RPL12: variants seen among roughly 807,000 people sequenced by gnomAD.
The protein encoded by RPL12 is large ribosomal subunit protein uL11.
A neutral mutation model predicts 24.5 loss-of-function variants in RPL12; 10 were observed. The observed-to-expected ratio is 0.41, with a 90% CI of 0.25 to 0.69. RPL12 has a LOEUF of 0.69. RPL12 is among the 30% of genes least tolerant of loss of function. The pLI is 0.33. For synonymous variants in RPL12, 74 were observed against 76.1 expected (o/e 0.97, Z 0.14); for missense variants, 137 against 205.3 (o/e 0.67, Z 2.03).
chr9:127,449,575 A>G, intron 3 of RPL12, 35 bp downstream of exon 3: 1 of 1,517,752 alleles, frequency 6.6e-7, no homozygotes, highest in East Asian at 2.3e-5. Flanking sequence ...CTGTCCCCCC[A>G]CCCTCCTCTC....
Position 127,450,767 on chromosome 9 carries a change from A to G in RPL12, c.75T>C (p.Thr25=). Residue 25 remains threonine (T), a synonymous_variant, in exon 2 of 7, where the codon ACT becomes ACC. Transcript: ENST00000361436. ...LRCTGGEVGA[T]SALAPKIGPL... is the part of the protein sequence containing the mutation. Reference sequence around the variant, plus strand: ...GGCCGATCTTGGGGGCCAGGGCAGAAGTGGCACCGACTTCACCTCCGGTGC... The same window carrying G: ...GGCCGATCTTGGGGGCCAGGGCAGAGGTGGCACCGACTTCACCTCCGGTGC... 3 of 1,586,966 alleles carry G rather than the reference A, an allele frequency of 1.9e-6. No homozygotes were observed. Among genetic ancestry groups the G allele is most frequent in the Non-Finnish European group, 2.6e-6 (3 of 1,168,080 alleles).
In RPL12 at chr9:127,451,318, G is replaced by A; in HGVS notation, c.-1C>T. 1.2e-6 allele frequency: 2 copies of A among 1,612,642 alleles called. No individual in the cohort carries two copies. The highest frequency in any genetic ancestry group is 1.7e-6 in the Non-Finnish European group (2 of 1,179,982). On this transcript the variant is annotated 5_prime_UTR_variant, in exon 1 of 7. Coordinates refer to ENST00000361436, the MANE Select transcript of RPL12 (RefSeq NM_000976.4). ...CGTTGGGGTCGAACTTCGGCGGCAT[G>A]GTGGAGGCGGCTGGTGTCGGATGAA...
intron 4 of RPL12, 67 bp downstream of exon 4, chr9:127,449,212 AAC>A (rs1834225859): frequency 7.5e-7 from 1 of 1,335,540 alleles, no homozygotes; most frequent in South Asian, 1.2e-5. Context: ...TTTAAGGGAA[AAC>A]ACAGCCACAT....
At chr9:127,448,171 C>A (rs769820774) in intron 5 of RPL12, among the ~76,000 whole-genome samples, 166 bp downstream of exon 5, 8 of 152,190 alleles carry the variant, frequency 5.3e-5, no homozygotes, top group Non-Finnish European at 1.0e-4. Flanking sequence ...TCCATGGGTC[C>A]TTGATGCCCA....
chr9:127,451,307 T>A lies in RPL12; in HGVS notation c.11A>T (p.Lys4Met). Residue 4 changes from lysine (K) to methionine (M), a missense_variant, in exon 1 of 7, where the codon AAG becomes ATG. Physicochemically the swap from Lys to Met is moderately conservative, Grantham distance 95. Coordinates refer to ENST00000361436, the MANE Select transcript of RPL12 (RefSeq NM_000976.4). The stretch of plus-strand genomic sequence containing the variant: ...GACTTTGATCTCGTTGGGGTCGAAC[T>A]TCGGCGGCATGGTGGAGGCGGCTGG... Reference protein sequence around the residue: MPPKFDPNEIKVVY... With the variant: MPPMFDPNEIKVVY... 1 of 1,612,962 alleles carries A rather than the reference T, an allele frequency of 6.2e-7. No individual in the cohort carries two copies. The highest frequency in any genetic ancestry group is 8.5e-7 in the Non-Finnish European group (1 of 1,179,946).
Position 127,448,769 on chromosome 9 carries a change from T to C in RPL12, c.293-346A>G, listed in dbSNP as rs571062942. On this transcript the variant is annotated intron_variant, in intron 4 of 6. Transcript: ENST00000361436. ...GTGGTCTCCTGATTATAGGTCATTA[T>C]TGCTGACATCTTCCTCCCACATGCA... The C allele has an allele frequency of 1.2e-5, 5 of 425,012 alleles. No homozygotes were observed. In the East Asian group the frequency reaches 2.8e-4, roughly 24 times the overall value. 26.3% of individuals were successfully genotyped at this position (425,012 alleles called of 1,614,324 possible).
intron 1 of RPL12, 127 bp downstream of exon 1, chr9:127,451,154 G>A (rs1364736030): frequency 1.6e-6 from 2 of 1,289,422 alleles, no homozygotes; most frequent in Non-Finnish European, 1.1e-6. Flanking sequence ...TGGCCGGGGC[G>A]GCGCAACACC....
chr9:127,448,614 T>G, intron 4 of RPL12, 191 bp from the exon 5 acceptor site: 1 of 756,778 alleles, frequency 1.3e-6, no homozygotes, highest in South Asian at 1.4e-5. Flanking sequence ...AGAGACCTGG[T>G]CAGGTGCAGT....
At chr9:127,451,239 G>A (rs1412714468) in intron 1 of RPL12, 42 bp downstream of exon 1, 4 of 1,608,158 alleles carry the variant, frequency 2.5e-6, no homozygotes, top group South Asian at 2.2e-5. Context: ...AGGGCCGAGG[G>A]ATGCTCCATC....
Position 127,448,381 on chromosome 9 carries a change from A to G in RPL12, c.335T>C (p.Ile112Thr), listed in dbSNP as rs762086285. The change falls in exon 5 of 7, where the codon ATT (isoleucine) becomes ACT (threonine). Residue 112 changes from isoleucine (I) to threonine (T), a missense_variant. By Grantham distance (89) the Ile-to-Thr change is moderately conservative. Coordinates refer to ENST00000361436, the MANE Select transcript of RPL12 (RefSeq NM_000976.4). ...GGATCGGTGCCGCATCTGTCGAGCA[A>G]TGTTGACAATCTCATCAAAAGTGAT... Reference protein sequence around the residue: ...GNITFDEIVNIARQMRHRSLA... With the variant: ...GNITFDEIVNTARQMRHRSLA... 1.9e-5 allele frequency: 31 copies of G among 1,613,948 alleles called. No homozygotes were observed. Among genetic ancestry groups the G allele is most frequent in the Non-Finnish European group, 2.5e-5 (30 of 1,179,904 alleles).
Position 127,451,265 on chromosome 9 carries a change from C to T in RPL12, c.37+16G>A. ...ATGCTCCATCCCGCAGCCCCGGCCA[C>T]AACCAGAGCACGCACCGACTTTGAT... is the stretch of plus-strand genomic sequence containing the variant. On this transcript the variant is annotated intron_variant, in intron 1 of 6. Coordinates refer to ENST00000361436, the MANE Select transcript of RPL12 (RefSeq NM_000976.4). 6.2e-7 allele frequency: 1 copy of T among 1,612,528 alleles called. No individual in the cohort carries two copies. Among genetic ancestry groups the T allele is most frequent in the Non-Finnish European group, 8.5e-7 (1 of 1,179,392 alleles).
chr9:127,447,934 G>A lies in RPL12; in HGVS notation c.435C>T (p.Gly145=), dbSNP rs146643411. 3 of 1,613,538 alleles carry A rather than the reference G, an allele frequency of 1.9e-6. No individual in the cohort carries two copies. The highest frequency in any genetic ancestry group is 2.7e-5 in the African/African-American group (2 of 74,844). The change falls in exon 6 of 7, where the codon GGC becomes GGT. Residue 145 remains glycine (G), a synonymous_variant. Transcript: ENST00000361436. The part of the protein sequence containing the change: ...TAQSVGCNVD[G]RHPHDIIDDI... Reference sequence around the variant, plus strand: ...CATCGATGATGTCATGAGGATGGCGGCCATCAACATTACAGCCCACTGACT... The same window carrying A: ...CATCGATGATGTCATGAGGATGGCGACCATCAACATTACAGCCCACTGACT...
chr9:127,449,427 CA>C (rs1384093877), intron 3 of RPL12, 65 bp from the exon 4 acceptor site: 14 of 1,474,616 alleles, frequency 9.5e-6, no homozygotes, highest in Non-Finnish European at 1.3e-5. Context: ...CGCTGGCTCT[CA>C]AAAATCATGG....
chr9:127,447,850 T>C (rs1834199149), intron 6 of RPL12, 27 bp downstream of exon 6: 1 of 1,610,526 alleles, frequency 6.2e-7, no homozygotes, highest in East Asian at 2.2e-5. Context: ...CTTTCACCCC[T>C]ACTGTAACAA....
intron 1 of RPL12, 87 bp from the exon 2 acceptor site, chr9:127,450,891 C>CCT: frequency 9.9e-7 from 1 of 1,014,704 alleles, no homozygotes; most frequent in South Asian, 1.4e-5. Context: ...GACACGCCAC[C>CCT]CTCTGCCTCT....
chr9:127,448,097 G>A, intron 5 of RPL12, 108 bp from the exon 6 acceptor site: 1 of 1,321,568 alleles, frequency 7.6e-7, no homozygotes, highest in Non-Finnish European at 1.0e-6. Context: ...AAGGAATGAG[G>A]TTCCTGCTCC....
intron 4 of RPL12, 164 bp from the exon 5 acceptor site, chr9:127,448,587 G>A: frequency 1.3e-6 from 1 of 763,268 alleles, no homozygotes. Flanking sequence ...GCTCACCACT[G>A]GATTGCACCA....
chr9:127,449,316 T>C lies in RPL12; in HGVS notation c.257A>G (p.Lys86Arg). Reference sequence around the variant, plus strand: ...TTTCTTTCTGTCTCTTGGTGGTTCCTTGAGGGCTTTGATGATCAGGGCAGA... The same window carrying C: ...TTTCTTTCTGTCTCTTGGTGGTTCCCTGAGGGCTTTGATGATCAGGGCAGA... ...SASALIIKAL[K>R]EPPRDRKKQK... The change falls in exon 4 of 7, where the codon AAG becomes AGG. Residue 86 changes from lysine to arginine, a missense_variant. Lys to Arg is a conservative substitution (Grantham distance 26). Around this residue, in one of 3 missense-constraint regions of RPL12, gnomAD observed 118 missense variants for 160.7 expected, o/e 0.73. Transcript: ENST00000361436. 3.1e-6 allele frequency: 5 copies of C among 1,611,946 alleles called. No homozygotes were observed. The highest frequency in any genetic ancestry group is 4.2e-6 in the Non-Finnish European group (5 of 1,179,970).
rs371916189 is a variant in RPL12 at position 127,447,883 on chromosome 9, G to A, written c.486C>T (p.Cys162=). 69 of 1,612,224 alleles carry A rather than the reference G, an allele frequency of 4.3e-5. No individual in the cohort carries two copies. The African/African-American group carries it at 8.0e-4, about 19-fold the overall frequency. The change falls in exon 6 of 7, where the codon TGC becomes TGT. Residue 162 remains cysteine, a synonymous_variant. Transcript: ENST00000361436. ...CAATGAAAATGTCACTTACGGCTGG[G>A]CATTCCACAGCACCACTGTTGATGT... ...IDDINSGAVE[C]PAS is the part of the protein sequence containing the mutation.
Sources: gnomAD v4.1 joint callset for allele counts (sites outside exome capture counted in the v4.1 genomes callset) on GRCh38, gnomAD v4.1.1 for gene constraint, gnomAD v4.1.1 regional missense constraint, MANE v1.5 for transcripts, NCBI Gene and HGNC (gene_info 2026-07-23, HGNC 2026-07-21) for gene names.